LINGO2: variants seen among roughly 807,000 people sequenced by gnomAD.
LINGO2 encodes leucine-rich repeat and immunoglobulin-like domain-containing nogo receptor-interacting protein 2.
LINGO2 carries 14 observed loss-of-function variants against 30.6 expected under a neutral mutation model. The ratio of observed to expected loss-of-function variants is 0.46; its 90% CI spans 0.30 to 0.72. The LOEUF (loss-of-function observed/expected upper bound fraction) is 0.72, where lower values mean the gene tolerates loss of function less well. LINGO2 is among the 30% of genes least tolerant of loss of function. The pLI is 0.07. For missense variants in LINGO2, 729 were observed against 751.7 expected, an observed-to-expected ratio of 0.97 and a Z score of 0.35; for synonymous variants, 317 against 288.5, an observed-to-expected ratio of 1.10 and a Z score of -1.00.
chr9:28,309,769 A>T (rs1007335887), intron 3 of LINGO2, among the ~76,000 whole-genome samples: 2 of 152,034 alleles, frequency 1.3e-5, no homozygotes, highest in East Asian at 1.9e-4. Context: ...CAAGTTACAT[A>T]AAAAACTCGT....
At chr9:28,085,417 A>C (rs1299574362) in intron 4 of LINGO2, among the ~76,000 whole-genome samples, 2 of 152,092 alleles carry the variant, frequency 1.3e-5, no homozygotes, top group Non-Finnish European at 2.9e-5. Flanking sequence ...TCTGTCCTAC[A>C]TCTTGGTTTC....
the LINGO2 span, among the ~76,000 whole-genome samples, chr9:29,133,902 T>A: frequency 6.6e-6 from 1 of 152,128 alleles, no homozygotes; most frequent in Non-Finnish European, 1.5e-5. Flanking sequence ...ATGTCCCATC[T>A]GCTAAATGTG....
chr9:28,226,530 T>C (rs1821150303), intron 4 of LINGO2, among the ~76,000 whole-genome samples: 1 of 148,872 alleles, frequency 6.7e-6, no homozygotes, highest in African/African-American at 2.5e-5. Flanking sequence ...TTCAAGGGCA[T>C]AAGAAGAGAA....
intron 4 of LINGO2, among the ~76,000 whole-genome samples, chr9:28,104,956 C>G (rs1247505688): frequency 6.6e-6 from 1 of 152,096 alleles, no homozygotes; most frequent in Non-Finnish European, 1.5e-5. Flanking sequence ...GCTGGGCTCA[C>G]TATATAACAG....
chr9:28,710,214 T>A, the LINGO2 span, among the ~76,000 whole-genome samples: 1 of 151,838 alleles, frequency 6.6e-6, no homozygotes, highest in South Asian at 2.1e-4. Flanking sequence ...GCCTTGAACC[T>A]TGCATTATGT....
the LINGO2 span, among the ~76,000 whole-genome samples, chr9:28,709,827 G>T: frequency 6.6e-6 from 1 of 151,698 alleles, no homozygotes; most frequent in Non-Finnish European, 1.5e-5. Flanking sequence ...GATAATTCAG[G>T]GCTATTTAAT....
rs549763352 is a variant in LINGO2 at position 28,587,370 on chromosome 9, CAA to C, written c.-365+82828_-365+82829del. Among the ~76,000 whole-genome samples, 300 of 152,122 alleles carry C rather than the reference CAA, an allele frequency of 2.0e-3. 2 individuals carry two copies. Among genetic ancestry groups the C allele is most frequent in the African/African-American group, 6.9e-3 (288 of 41,542 alleles). On this transcript the variant is annotated intron_variant, in intron 1 of 5. Coordinates refer to ENST00000379992, the Ensembl canonical transcript of LINGO2. ...TGTATTTTGTGAACAGTGGAGCAGA[CAA>C]AGAGATTGTTGCTGCTCCTCTTCAC...
In LINGO2 at chr9:28,608,590, G is replaced by C. The variant is rs540639076; in HGVS notation, c.-365+61610C>G. 4.0e-4 allele frequency among the ~76,000 whole-genome samples: 61 copies of C among 151,834 alleles called. No homozygotes were observed. The South Asian group carries it at 7.9e-3, about 20-fold the overall frequency. Reference sequence around the variant, plus strand: ...TTGTTGAAGTTTAATAGCTGTTTTTGGTCCGCGCAAATTTTCAATATCTTG... The same window carrying C: ...TTGTTGAAGTTTAATAGCTGTTTTTCGTCCGCGCAAATTTTCAATATCTTG... On this transcript the variant is annotated intron_variant, in intron 1 of 5. Coordinates refer to ENST00000379992, the Ensembl canonical transcript of LINGO2.
At chr9:28,253,075 TA>T (rs57600944) in intron 4 of LINGO2, among the ~76,000 whole-genome samples, 6,876 of 141,236 alleles carry the variant, frequency 0.049, 431 homozygotes, top group African/African-American at 0.16. Flanking sequence ...TTCAATTTGC[TA>T]AAAAAAAAAA....
At chr9:28,799,981 T>A in the LINGO2 span, among the ~76,000 whole-genome samples, 69 of 152,242 alleles carry the variant, frequency 4.5e-4, 1 homozygote, top group East Asian at 0.013. Flanking sequence ...TTTTTTTTCA[T>A]AACAATGACA....
intron 1 of LINGO2, among the ~76,000 whole-genome samples, chr9:28,499,878 A>G (rs10968622): frequency 0.21 from 32,611 of 152,076 alleles, 3,757 homozygotes; most frequent in East Asian, 0.31. Context: ...ATATGTCCCC[A>G]CTGGATGCCA....
chr9:28,380,299 A>G (rs1229024000), intron 2 of LINGO2, among the ~76,000 whole-genome samples: 1 of 151,884 alleles, frequency 6.6e-6, no homozygotes, highest in Non-Finnish European at 1.5e-5. Context: ...CCTACCCACC[A>G]ATTTCCATAA....
At chr9:29,116,036 G>T in the LINGO2 span, among the ~76,000 whole-genome samples, 5 of 151,862 alleles carry the variant, frequency 3.3e-5, no homozygotes, top group South Asian at 2.1e-4. Flanking sequence ...GCTGACTCAG[G>T]AGTACTAGAA....
chr9:27,947,927 G>A (rs1823430378), downstream of LINGO2, among the ~76,000 whole-genome samples: 1 of 152,062 alleles, frequency 6.6e-6, no homozygotes, highest in South Asian at 2.1e-4. Flanking sequence ...GTAAAATCAA[G>A]GAGTGATTAA....
chr9:28,362,775 A>T (rs1820503451), intron 3 of LINGO2, among the ~76,000 whole-genome samples: 1 of 152,122 alleles, frequency 6.6e-6, no homozygotes, highest in African/African-American at 2.4e-5. Context: ...GACCCAGAAA[A>T]GTTATTTGAC....
chr9:28,926,229 G>C, the LINGO2 span, among the ~76,000 whole-genome samples: 1 of 152,134 alleles, frequency 6.6e-6, no homozygotes, highest in Non-Finnish European at 1.5e-5. Context: ...CAAGAGAATT[G>C]CTTGAACCTG....
At chr9:28,427,143 C>A (rs1342174611) in intron 2 of LINGO2, among the ~76,000 whole-genome samples, 3 of 152,078 alleles carry the variant, frequency 2.0e-5, no homozygotes, top group African/African-American at 7.2e-5. Context: ...CACATGAGCA[C>A]TTCCCATGCA....
the LINGO2 span, among the ~76,000 whole-genome samples, chr9:28,825,568 GTT>G: frequency 6.0e-5 from 9 of 150,034 alleles, no homozygotes; most frequent in East Asian, 2.0e-4. Flanking sequence ...TTTGTATCTG[GTT>G]TTTTTTTTTT....
At chr9:28,264,418 C>T (rs137984587) in intron 4 of LINGO2, among the ~76,000 whole-genome samples, 135 of 151,958 alleles carry the variant, frequency 8.9e-4, no homozygotes, top group African/African-American at 2.3e-3. Context: ...GGCTTTAAAA[C>T]GCATTATTTT....
Sources: allele counts gnomAD v4.1 joint callset (sites outside exome capture counted in the v4.1 genomes callset), GRCh38; gene constraint gnomAD v4.1.1; transcripts MANE v1.5; gene names NCBI Gene and HGNC (gene_info 2026-07-23, HGNC 2026-07-21).